Variants in RAP1GAP2 observed in about 807,000 individuals in gnomAD.
RAP1GAP2 encodes the protein RAP1 GTPase activating protein 2.
In RAP1GAP2, 27 loss-of-function variants were observed where a neutral mutation model predicts 95.0. That is an observed-to-expected ratio of 0.28 (90% CI 0.21 to 0.39). RAP1GAP2 has a LOEUF of 0.39. Ranked by LOEUF, RAP1GAP2 falls within the 10% of genes least tolerant of loss-of-function variation. RAP1GAP2 has a pLI of 1.00. For synonymous variants in RAP1GAP2, 373 were observed against 380.9 expected (o/e 0.98, Z 0.24); for missense variants, 771 against 970.0 (o/e 0.79, Z 2.72).
intron 2 of RAP1GAP2, among the ~76,000 whole-genome samples, chr17:2,860,370 G>A (rs1055986373): frequency 2.0e-5 from 3 of 152,070 alleles, no homozygotes; most frequent in Admixed American, 1.3e-4. Flanking sequence ...TTCACCAAAG[G>A]TCTGAGGCCT....
At chr17:2,933,941 G>A (rs778584392) in intron 3 of RAP1GAP2, among the ~76,000 whole-genome samples, 3 of 152,252 alleles carry the variant, frequency 2.0e-5, no homozygotes, top group Non-Finnish European at 4.4e-5. Flanking sequence ...TGGGCAGCTC[G>A]GAAGCAGGAG....
At chr17:2,893,110 C>T (rs1196843618) in intron 2 of RAP1GAP2, among the ~76,000 whole-genome samples, 3 of 152,062 alleles carry the variant, frequency 2.0e-5, no homozygotes, top group Non-Finnish European at 2.9e-5. Flanking sequence ...TCACTGCAAC[C>T]TCTGCCTCCC....
chr17:2,774,337 T>G (rs1403636066), upstream of RAP1GAP2, among the ~76,000 whole-genome samples: 2 of 152,116 alleles, frequency 1.3e-5, no homozygotes, highest in Admixed American at 1.3e-4. Context: ...GTTCATTTAT[T>G]TGGTGGGCAT....
intron 3 of RAP1GAP2, among the ~76,000 whole-genome samples, chr17:2,929,739 G>A (rs953554685): frequency 6.6e-6 from 1 of 152,180 alleles, no homozygotes; most frequent in Non-Finnish European, 1.5e-5. Flanking sequence ...CGAAGGCAGT[G>A]GGCTCTTTTC....
At chr17:2,843,569 G>A (rs1026108858) in intron 2 of RAP1GAP2, among the ~76,000 whole-genome samples, 18 of 151,902 alleles carry the variant, frequency 1.2e-4, no homozygotes, top group African/African-American at 3.9e-4. Flanking sequence ...TTACAGGTGT[G>A]AGCCACCGTG....
At chr17:2,947,411 C>T (rs2043740673) in intron 3 of RAP1GAP2, among the ~76,000 whole-genome samples, 1 of 152,128 alleles carries the variant, frequency 6.6e-6, no homozygotes, top group Non-Finnish European at 1.5e-5. Flanking sequence ...AGCAGTAACA[C>T]TGGCCCGTCC....
chr17:2,807,470 C>T (rs1287867379), intron 2 of RAP1GAP2, among the ~76,000 whole-genome samples: 40 of 152,094 alleles, frequency 2.6e-4, no homozygotes, highest in Admixed American at 2.6e-3. Flanking sequence ...GTTCAGCCTA[C>T]ATTTACTGGG....
chr17:2,948,930 G>T (rs1392497966), intron 3 of RAP1GAP2, among the ~76,000 whole-genome samples: 1 of 152,210 alleles, frequency 6.6e-6, no homozygotes, highest in Admixed American at 6.5e-5. Context: ...GCAAGTAGGG[G>T]CATTGGGAAA....
intron 1 of RAP1GAP2, among the ~76,000 whole-genome samples, chr17:2,781,043 C>T (rs1255178430): frequency 1.1e-4 from 16 of 152,188 alleles, no homozygotes; most frequent in Non-Finnish European, 8.8e-5. Flanking sequence ...CTGGAGCAGT[C>T]GCAGGGGCAC....
intron 10 of RAP1GAP2, among the ~76,000 whole-genome samples, chr17:2,981,626 G>A (rs1017813261): frequency 3.9e-5 from 6 of 152,136 alleles, no homozygotes; most frequent in African/African-American, 1.4e-4. Flanking sequence ...GGGAAGTACA[G>A]CAGGCAGACA....
At chr17:2,807,754 G>A (rs549349291) in intron 2 of RAP1GAP2, among the ~76,000 whole-genome samples, 2 of 152,242 alleles carry the variant, frequency 1.3e-5, no homozygotes, top group South Asian at 4.1e-4. Flanking sequence ...GGGGAAGGCA[G>A]GCCACGTCTG....
intron 2 of RAP1GAP2, among the ~76,000 whole-genome samples, chr17:2,869,755 C>T (rs769350328): frequency 9.9e-5 from 15 of 152,222 alleles, no homozygotes; most frequent in Non-Finnish European, 2.2e-4. Context: ...GGGCCACCTT[C>T]TGCGAGCTCC....
intron 14 of RAP1GAP2, among the ~76,000 whole-genome samples, chr17:3,000,308 G>T (rs2046109207): frequency 6.6e-6 from 1 of 152,262 alleles, no homozygotes; most frequent in Non-Finnish European, 1.5e-5. Context: ...ACTTCAAACA[G>T]CTGCTCGATT....
intron 3 of RAP1GAP2, among the ~76,000 whole-genome samples, chr17:2,956,982 G>T (rs542567009): frequency 2.6e-5 from 4 of 152,208 alleles, no homozygotes; most frequent in South Asian, 4.2e-4. Context: ...CAAAAAATTA[G>T]CCGGGCACGA....
chr17:2,784,550 C>T (rs566212729), intron 1 of RAP1GAP2, among the ~76,000 whole-genome samples: 5 of 152,324 alleles, frequency 3.3e-5, no homozygotes, highest in Admixed American at 2.0e-4. Flanking sequence ...GGATTACAGG[C>T]GTGAGCCACC....
At chr17:2,854,195 G>A (rs1398106056) in intron 2 of RAP1GAP2, 4 of 967,494 alleles carry the variant, frequency 4.1e-6, no homozygotes, top group Non-Finnish European at 4.9e-6. Context: ...GTTTGGTTCC[G>A]TGTTGGTTAG....
chr17:2,942,502 C>A (rs2043534520), intron 3 of RAP1GAP2, among the ~76,000 whole-genome samples: 1 of 152,118 alleles, frequency 6.6e-6, no homozygotes, highest in African/African-American at 2.4e-5. Flanking sequence ...AATTGGATTT[C>A]TGGCTTATTT....
At chr17:2,863,804 C>A (rs1597461851) in intron 2 of RAP1GAP2, among the ~76,000 whole-genome samples, 2 of 152,194 alleles carry the variant, frequency 1.3e-5, no homozygotes, top group East Asian at 3.9e-4. Context: ...CACCAGTAAT[C>A]CCAGCGCCTT....
chr17:2,756,256 T>A lies in RAP1GAP2; in HGVS notation c.50+489T>A, dbSNP rs575361880. Reference sequence around the variant, plus strand: ...TTTAGCCCCGAAACACAGGAGCCCCTGGGGGTGTGCACTCTGGGGACAGGG... The same window carrying A: ...TTTAGCCCCGAAACACAGGAGCCCCAGGGGGTGTGCACTCTGGGGACAGGG... On this transcript the variant is annotated intron_variant, in intron 1 of 25. Coordinates refer to the RAP1GAP2 transcript ENST00000637138. Among the ~76,000 whole-genome samples the A allele has an allele frequency of 1.1e-3, 169 of 152,244 alleles. 1 individual carries two copies. Among genetic ancestry groups the A allele is most frequent in the African/African-American group, 3.3e-3 (139 of 41,562 alleles).
Sources: gnomAD v4.1 joint callset for allele counts (sites outside exome capture counted in the v4.1 genomes callset) on GRCh38, gnomAD v4.1.1 for gene constraint, MANE v1.5 for transcripts, NCBI Gene and HGNC (gene_info 2026-07-23, HGNC 2026-07-21) for gene names.